PPP6C: variants seen among roughly 807,000 people sequenced by gnomAD.
PPP6C encodes the protein serine/threonine-protein phosphatase 6 catalytic subunit.
A neutral mutation model predicts 39.8 loss-of-function variants in PPP6C; 11 were observed. The observed-to-expected ratio is 0.28, with a 90% confidence interval of 0.17 to 0.46. PPP6C has a LOEUF of 0.46. Among genes scored for constraint, PPP6C ranks in the 20% least tolerant of loss-of-function variants. The pLI, the probability that PPP6C is intolerant of heterozygous loss-of-function variation, is 1.00. For synonymous variants in PPP6C, 129 were observed against 130.3 expected (o/e 0.99, Z 0.07); for missense variants, 211 against 373.9 (o/e 0.56, Z 3.59).
rs866520303 is a variant in PPP6C at position 125,189,792 on chromosome 9, A to C, written c.-74T>G. On this transcript the variant is annotated 5_prime_UTR_variant, in exon 1 of 7. Transcript: ENST00000373547. ...CGGCGGCGGCAGCGGCGGAGGCCGA[A>C]GCCGGAACTTTCCCTGCGTCACGTC... 20 of 1,499,164 alleles carry C rather than the reference A, an allele frequency of 1.3e-5. No individual in the cohort carries two copies. Among genetic ancestry groups the C allele is most frequent in the Non-Finnish European group, 1.8e-5 (20 of 1,120,420 alleles). The allele number at this position is 1,499,164 out of a possible 1,614,324, so 92.9% of individuals were successfully genotyped here. A position where few individuals can be genotyped will look rare whatever the true frequency, so the allele number is the denominator to read the frequency against.
chr9:125,185,213 G>C (rs1443297148), intron 1 of PPP6C, among the ~76,000 whole-genome samples: 1 of 151,112 alleles, frequency 6.6e-6, no homozygotes, highest in African/African-American at 2.4e-5. Context: ...TATAAGAAAG[G>C]TTACACTGTG....
chr9:125,156,746 T>TCG (rs1836086607), intron 4 of PPP6C, among the ~76,000 whole-genome samples: 1 of 116,020 alleles, frequency 8.6e-6, no homozygotes, highest in East Asian at 2.4e-4. Context: ...ATAAGCTCGC[T>TCG]CTCTCTCTCT....
chr9:125,186,127 GTCT>G (rs1411766887), intron 1 of PPP6C, among the ~76,000 whole-genome samples: 3 of 151,964 alleles, frequency 2.0e-5, no homozygotes, highest in South Asian at 4.1e-4. Flanking sequence ...GTAAATTTCT[GTCT>G]TCTTTTCTAC....
chr9:125,168,430 C>CA (rs1829071551), intron 2 of PPP6C, among the ~76,000 whole-genome samples: 1 of 152,164 alleles, frequency 6.6e-6, no homozygotes, highest in Non-Finnish European at 1.5e-5. Flanking sequence ...TTTAGAGGCT[C>CA]AAATCCCATG....
intron 2 of PPP6C, among the ~76,000 whole-genome samples, chr9:125,163,430 T>C (rs913267048): frequency 1.3e-5 from 2 of 152,164 alleles, no homozygotes; most frequent in Admixed American, 6.5e-5. Flanking sequence ...GATATGTTTT[T>C]TTGTTTTGTT....
chr9:125,178,715 A>C (rs575443350), intron 1 of PPP6C, among the ~76,000 whole-genome samples: 86 of 152,288 alleles, frequency 5.6e-4, no homozygotes, highest in African/African-American at 1.8e-3. Context: ...AACAAAGGAA[A>C]CATTTCTGCA....
chr9:125,167,879 C>T (rs1036920157), intron 2 of PPP6C, among the ~76,000 whole-genome samples: 4 of 144,838 alleles, frequency 2.8e-5, no homozygotes, highest in African/African-American at 5.1e-5. Context: ...GGTCTTGAAC[C>T]CATGGCTTCA....
At chr9:125,176,458 C>T (rs947445129) in intron 1 of PPP6C, among the ~76,000 whole-genome samples, 4 of 152,102 alleles carry the variant, frequency 2.6e-5, no homozygotes, top group African/African-American at 9.7e-5. Context: ...GAGTTCGAGA[C>T]CTGCCTGGGC....
chr9:125,187,257 TC>T (rs1291104557), intron 1 of PPP6C, among the ~76,000 whole-genome samples: 3 of 151,552 alleles, frequency 2.0e-5, no homozygotes, highest in Non-Finnish European at 4.4e-5. Context: ...AGATTATCTT[TC>T]AAATCATTTC....
intron 6 of PPP6C, chr9:125,151,267 G>A: frequency 1.3e-6 from 2 of 1,500,828 alleles, no homozygotes; most frequent in Non-Finnish European, 9.3e-7. Context: ...TGGGAGATGT[G>A]AAGGATCTGG....
intron 3 of PPP6C, among the ~76,000 whole-genome samples, chr9:125,160,421 ATGT>A (rs1828839696): frequency 6.6e-6 from 1 of 152,152 alleles, no homozygotes; most frequent in Non-Finnish European, 1.5e-5. Context: ...GAATTCCCAC[ATGT>A]TGTGGGAGGG....
chr9:125,150,810 A>G lies in PPP6C; in HGVS notation c.670-889T>C, dbSNP rs1363265352. 1.8e-5 allele frequency: 13 copies of G among 742,418 alleles called. No individual in the cohort carries two copies. The Admixed American group carries it at 2.1e-4, about 12-fold the overall frequency. 46.0% of individuals were successfully genotyped at this position (742,418 alleles called of 1,614,324 possible). Reference sequence around the variant, plus strand: ...AAGTGTACGTGGAAAGGATGTCTACATCATTCAGAGTGGTTGTGGCAAAAT... The same window carrying G: ...AAGTGTACGTGGAAAGGATGTCTACGTCATTCAGAGTGGTTGTGGCAAAAT... On this transcript the variant is annotated intron_variant, in intron 6 of 6. Transcript: ENST00000373547.
intron 3 of PPP6C, among the ~76,000 whole-genome samples, chr9:125,159,848 C>T (rs542772491): frequency 6.6e-6 from 1 of 152,146 alleles, no homozygotes; most frequent in Non-Finnish European, 1.5e-5. Flanking sequence ...ATAGTGAAAT[C>T]CTGTCTCTAC....
chr9:125,165,910 C>T (rs1343936143), intron 2 of PPP6C, among the ~76,000 whole-genome samples: 2 of 149,302 alleles, frequency 1.3e-5, no homozygotes, highest in African/African-American at 5.0e-5. Context: ...AATTCTCATG[C>T]CTCAGCCACC....
rs1828852691 is a variant in PPP6C at position 125,160,770 on chromosome 9, G to T, written c.237+71C>A. 2.8e-6 allele frequency: 3 copies of T among 1,087,606 alleles called. No homozygotes were observed. In the East Asian group the frequency reaches 7.8e-5, roughly 28 times the overall value. The allele number at this position is 1,087,606 out of a possible 1,614,324, so 67.4% of individuals were successfully genotyped here. ...CTGTCACATGGTAAAGAATTATTAT[G>T]CAATTTACATTTAATAAGTCAGATC... is the stretch of plus-strand genomic sequence containing the variant. On this transcript the variant is annotated intron_variant, in intron 3 of 6. Coordinates refer to ENST00000373547, the MANE Select transcript of PPP6C (RefSeq NM_002721.5).
chr9:125,167,396 A>AAAAAAAAAAAAG (rs1355880967), intron 2 of PPP6C, among the ~76,000 whole-genome samples: 1 of 143,524 alleles, frequency 7.0e-6, no homozygotes. Flanking sequence ...AAAAAAAAAA[A>AAAAAAAAAAAAG]AAAGAAATAA....
rs757655207 is a variant in PPP6C at position 125,151,797 on chromosome 9, T to C, written c.669+1736A>G. ...ACTTCCTATCTGCATTGTCTCATTC[T>C]GGCTTCCTTGATGATTCTGTGAGCC... is the stretch of plus-strand genomic sequence containing the variant. On this transcript the variant is annotated intron_variant, in intron 6 of 6. Coordinates refer to ENST00000373547, the MANE Select transcript of PPP6C (RefSeq NM_002721.5). 3.9e-5 allele frequency among the ~76,000 whole-genome samples: 6 copies of C among 152,354 alleles called. No homozygotes were observed. The East Asian group carries it at 1.2e-3, about 29-fold the overall frequency.
chr9:125,148,746 T>C lies in PPP6C; in HGVS notation c.*927A>G, dbSNP rs1431636646. On this transcript the variant is annotated 3_prime_UTR_variant, in exon 7 of 7. Transcript: ENST00000373547. ...ACATTCTACTCAACTGGTATCAAAT[T>C]AACACATCAGCATTACAAGTATTAA... 3 of 152,192 alleles carry C rather than the reference T, an allele frequency of 2.0e-5. No individual in the cohort carries two copies. Among genetic ancestry groups the C allele is most frequent in the Non-Finnish European group, 4.4e-5 (3 of 68,018 alleles). 9.4% of individuals were successfully genotyped at this position (152,192 alleles called of 1,614,324 possible).
intron 2 of PPP6C, among the ~76,000 whole-genome samples, chr9:125,162,648 T>G (rs1270893978): frequency 6.7e-6 from 1 of 149,728 alleles, no homozygotes. Flanking sequence ...GGTGGGCACC[T>G]GTAATCAATC....
Sources: gnomAD v4.1 joint callset for allele counts (sites outside exome capture counted in the v4.1 genomes callset) on GRCh38, gnomAD v4.1.1 for gene constraint, MANE v1.5 for transcripts, NCBI Gene and HGNC (gene_info 2026-07-23, HGNC 2026-07-21) for gene names.